Variants in OR10J1 observed in about 807,000 individuals in gnomAD.
OR10J1 encodes the protein olfactory receptor 10J1.
For missense variants in OR10J1, 474 were observed against 376.6 expected, an observed-to-expected ratio of 1.26 and a Z score of -2.14; for synonymous variants, 202 against 143.8, an observed-to-expected ratio of 1.40 and a Z score of -2.89.
chr1:159,404,764 C>G, the OR10J1 span, among the ~76,000 whole-genome samples: 5 of 152,222 alleles, frequency 3.3e-5, no homozygotes, highest in South Asian at 1.0e-3. Context: ...TGTCTAGTTT[C>G]GTGTGCCTGG....
At chr1:159,422,274 G>T in the OR10J1 span, among the ~76,000 whole-genome samples, 1 of 152,004 alleles carries the variant, frequency 6.6e-6, no homozygotes, top group Non-Finnish European at 1.5e-5. Flanking sequence ...TGATCCCTAG[G>T]CCCCCAGAAG....
chr1:159,435,806 G>C (rs541959509), upstream of OR10J1, among the ~76,000 whole-genome samples: 1 of 152,268 alleles, frequency 6.6e-6, no homozygotes, highest in Non-Finnish European at 1.5e-5. Context: ...AAATAAAGCA[G>C]TCTGCAGAAC....
chr1:159,422,608 T>C, the OR10J1 span, among the ~76,000 whole-genome samples: 2 of 152,112 alleles, frequency 1.3e-5, no homozygotes, highest in Admixed American at 6.5e-5. Flanking sequence ...TGTTAAGCCC[T>C]AGGGCAGGAC....
At chr1:159,414,504 A>G in the OR10J1 span, among the ~76,000 whole-genome samples, 1 of 152,160 alleles carries the variant, frequency 6.6e-6, no homozygotes, top group Non-Finnish European at 1.5e-5. Flanking sequence ...ATGGCCACTT[A>G]GGTGAATTCC....
At chr1:159,438,577 T>A (rs1209203856), upstream of OR10J1, among the ~76,000 whole-genome samples, 1 of 152,246 alleles carries the variant, frequency 6.6e-6, no homozygotes, top group Admixed American at 6.5e-5. Context: ...TTGGAAAATA[T>A]TCTCTATTGC....
At chr1:159,428,977 A>G in the OR10J1 span, among the ~76,000 whole-genome samples, 12 of 152,356 alleles carry the variant, frequency 7.9e-5, no homozygotes, top group South Asian at 2.5e-3. Flanking sequence ...GTCTTAGGGT[A>G]TCCTGGGGGA....
the OR10J1 span, among the ~76,000 whole-genome samples, chr1:159,399,946 G>C: frequency 6.6e-6 from 1 of 152,074 alleles, no homozygotes; most frequent in Non-Finnish European, 1.5e-5. Context: ...GTGTTAAGTT[G>C]TTATCAAGTT....
At chr1:159,430,668 T>TGTGTGTGTGTGTGTGTGCGC in the OR10J1 span, among the ~76,000 whole-genome samples, 2 of 69,612 alleles carry the variant, frequency 2.9e-5, no homozygotes, top group Non-Finnish European at 5.0e-5. Flanking sequence ...TGTGTGTGTG[T>TGTGTGTGTGTGTGTGTGCGC]GCGCGCGCGC....
At chr1:159,424,193 G>C in the OR10J1 span, among the ~76,000 whole-genome samples, 1 of 149,540 alleles carries the variant, frequency 6.7e-6, no homozygotes, top group Non-Finnish European at 1.5e-5. Context: ...TCTAGCATGG[G>C]TGACAGAGCA....
At chr1:159,420,391 C>T in the OR10J1 span, among the ~76,000 whole-genome samples, 10 of 151,854 alleles carry the variant, frequency 6.6e-5, no homozygotes, top group African/African-American at 2.4e-4. Context: ...TTTGTATATT[C>T]TTTGTTTCTT....
At chr1:159,416,803 G>A in the OR10J1 span, among the ~76,000 whole-genome samples, 2 of 151,920 alleles carry the variant, frequency 1.3e-5, no homozygotes, top group Non-Finnish European at 2.9e-5. Flanking sequence ...CCTGATTCAA[G>A]TCTTGGTAGG....
At chr1:159,412,858 G>T in the OR10J1 span, among the ~76,000 whole-genome samples, 1 of 151,564 alleles carries the variant, frequency 6.6e-6, no homozygotes, top group Non-Finnish European at 1.5e-5. Flanking sequence ...AAACTAAAGA[G>T]CTTCTGCACA....
At chr1:159,429,162 G>T in the OR10J1 span, among the ~76,000 whole-genome samples, 1 of 152,348 alleles carries the variant, frequency 6.6e-6, no homozygotes, top group African/African-American at 2.4e-5. Context: ...AAGGTGCTCA[G>T]CTTTTTGTGG....
chr1:159,409,593 C>T, the OR10J1 span, among the ~76,000 whole-genome samples: 1 of 152,036 alleles, frequency 6.6e-6, no homozygotes, highest in Non-Finnish European at 1.5e-5. Context: ...GAGGAGTCTA[C>T]CTATACATTT....
At chr1:159,399,633 A>G in the OR10J1 span, among the ~76,000 whole-genome samples, 1 of 151,884 alleles carries the variant, frequency 6.6e-6, no homozygotes, top group African/African-American at 2.4e-5. Flanking sequence ...TCAGAAAGAA[A>G]ATAACATTAA....
At chr1:159,434,156 G>A (rs992118095), upstream of OR10J1, among the ~76,000 whole-genome samples, 2 of 152,118 alleles carry the variant, frequency 1.3e-5, no homozygotes, top group Non-Finnish European at 2.9e-5. Context: ...AGGAAACTGA[G>A]ACCTCAAATA....
At chr1:159,421,218 G>A in the OR10J1 span, among the ~76,000 whole-genome samples, 1 of 151,914 alleles carries the variant, frequency 6.6e-6, no homozygotes, top group East Asian at 1.9e-4. Context: ...TTTATTTAAT[G>A]AATTCTTCAA....
chr1:159,413,641 A>G, the OR10J1 span, among the ~76,000 whole-genome samples: 2 of 148,732 alleles, frequency 1.3e-5, no homozygotes, highest in Admixed American at 6.8e-5. Flanking sequence ...TTGAACAATG[A>G]GAACACATGG....
At chr1:159,400,633 G>A in the OR10J1 span, among the ~76,000 whole-genome samples, 2 of 150,912 alleles carry the variant, frequency 1.3e-5, no homozygotes, top group Admixed American at 1.3e-4. Flanking sequence ...AATACTATTA[G>A]AGCTAAAGAA....
Sources: allele counts gnomAD v4.1 joint callset (sites outside exome capture counted in the v4.1 genomes callset), GRCh38; gene constraint gnomAD v4.1.1; transcripts MANE v1.5; gene names NCBI Gene and HGNC (gene_info 2026-07-23, HGNC 2026-07-21).